The following STOX2 variants were observed in gnomAD, a reference collection of about 807,000 sequenced individuals.
STOX2 encodes storkhead box 2.
Under a neutral mutation model 60.9 loss-of-function variants are expected in STOX2, and 28 were observed. The observed-to-expected ratio is 0.46, with a 90% CI of 0.34 to 0.63. The LOEUF is 0.63. STOX2 is among the 30% of genes least tolerant of loss of function. The pLI is 0.01. For missense variants in STOX2, 1,024 were observed against 1,187.7 expected (o/e 0.86, Z 2.03); for synonymous variants, 472 against 463.9 (o/e 1.02, Z -0.22).
chr4:183,858,137 A>T (rs1221691931), intron 1 of STOX2, among the ~76,000 whole-genome samples: 1 of 152,120 alleles, frequency 6.6e-6, no homozygotes, highest in Non-Finnish European at 1.5e-5. Context: ...AGGGGGCACC[A>T]TGCCTGACCT....
At chr4:183,859,564 C>G (rs12499183) in intron 1 of STOX2, among the ~76,000 whole-genome samples, 53,330 of 151,994 alleles carry the variant, frequency 0.35, 9,996 homozygotes, top group East Asian at 0.57. Context: ...ATGACAGAGG[C>G]GGCGGGGCCA....
At chr4:183,967,633 T>A (rs1371315450) in intron 1 of STOX2, among the ~76,000 whole-genome samples, 20 of 152,172 alleles carry the variant, frequency 1.3e-4, no homozygotes, top group Admixed American at 1.3e-3. Context: ...TGTTGTGTGC[T>A]CTACGCTCTA....
At chr4:184,013,295 A>C (rs1333452745) in intron 3 of STOX2, among the ~76,000 whole-genome samples, 2 of 152,264 alleles carry the variant, frequency 1.3e-5, no homozygotes, top group Non-Finnish European at 2.9e-5. Flanking sequence ...GTATCTCTAC[A>C]GAATATATTT....
At chr4:183,975,450 G>A (rs1409385839) in intron 1 of STOX2, among the ~76,000 whole-genome samples, 3 of 152,160 alleles carry the variant, frequency 2.0e-5, no homozygotes, top group African/African-American at 7.2e-5. Flanking sequence ...AGATTGACAA[G>A]GAAATATGAC....
chr4:183,925,883 G>T (rs1560885997), intron 1 of STOX2, among the ~76,000 whole-genome samples: 1 of 148,740 alleles, frequency 6.7e-6, no homozygotes, highest in Non-Finnish European at 1.5e-5. Context: ...TGAAAACAGG[G>T]TTTTTTTTTT....
At chr4:183,837,046 G>GATA (rs1007714126) in intron 1 of STOX2, among the ~76,000 whole-genome samples, 4 of 152,118 alleles carry the variant, frequency 2.6e-5, no homozygotes, top group Non-Finnish European at 5.9e-5. Context: ...CAAGAGTGGG[G>GATA]ATAAACACAT....
intron 1 of STOX2, among the ~76,000 whole-genome samples, chr4:183,931,687 G>A (rs1742429040): frequency 6.6e-6 from 1 of 152,168 alleles, no homozygotes; most frequent in East Asian, 1.9e-4. Flanking sequence ...GAGTCAGGAA[G>A]TGCCTTGTAG....
rs59235204 is a variant in STOX2 at position 183,825,402 on chromosome 4, G to GAA, written c.364+27347_364+27348insAA. Among the ~76,000 whole-genome samples, 9,750 of 152,232 alleles carry GAA rather than the reference G, an allele frequency of 0.064. 1,002 individuals are homozygous for GAA. Among genetic ancestry groups the GAA allele is most frequent in the African/African-American group, 0.22 (9,128 of 41,500 alleles). On this transcript the variant is annotated intron_variant, in intron 1 of 2. Transcript: ENST00000513034. This position sits in a 1 kb window ranked among gnomAD's most constrained non-coding sequence, Gnocchi z 4.1. ...CACACAGCTGGGCCATCCCTCGTGT[G>GAA]GCGCGTGCTGCAGATGGCAGCGGTC... is the stretch of plus-strand genomic sequence containing the variant.
intron 1 of STOX2, among the ~76,000 whole-genome samples, chr4:183,909,196 T>C (rs143909980): frequency 3.9e-5 from 6 of 152,334 alleles, no homozygotes; most frequent in Non-Finnish European, 8.8e-5. Context: ...CCTTTACAAA[T>C]ATGGCTCCTT....
intron 1 of STOX2, among the ~76,000 whole-genome samples, chr4:183,862,236 C>T (rs1404650280): frequency 2.0e-5 from 3 of 152,130 alleles, no homozygotes; most frequent in African/African-American, 4.8e-5. Context: ...AGTGCAGTGG[C>T]ACGATCTCGG....
At chr4:183,934,397 A>C (rs1415436299) in intron 1 of STOX2, among the ~76,000 whole-genome samples, 1 of 152,210 alleles carries the variant, frequency 6.6e-6, no homozygotes, top group Non-Finnish European at 1.5e-5. Flanking sequence ...CCTTGGCCCA[A>C]CCCCTTTGTC....
chr4:183,993,433 C>T (rs1733197375), intron 1 of STOX2, among the ~76,000 whole-genome samples: 2 of 152,138 alleles, frequency 1.3e-5, no homozygotes, highest in African/African-American at 4.8e-5. Flanking sequence ...TAACTTTATT[C>T]CCATTAGAAG....
chr4:183,854,539 G>A (rs1740240592), intron 1 of STOX2, among the ~76,000 whole-genome samples: 1 of 152,152 alleles, frequency 6.6e-6, no homozygotes, highest in Admixed American at 6.5e-5. Flanking sequence ...GGGATGGTGA[G>A]TTTATTATTT....
intron 1 of STOX2, among the ~76,000 whole-genome samples, chr4:183,923,412 A>G (rs1742155964): frequency 6.6e-6 from 1 of 152,232 alleles, no homozygotes; most frequent in Admixed American, 6.5e-5. Context: ...AGAAGTTAGA[A>G]GAAAACTGGA....
In STOX2 at chr4:183,922,313, A is replaced by T. The variant is rs569244691; in HGVS notation, c.166+15357A>T. Among the ~76,000 whole-genome samples the T allele has an allele frequency of 8.8e-5, 13 of 147,968 alleles. No individual in the cohort carries two copies. The South Asian group carries it at 2.2e-3, about 25-fold the overall frequency. On this transcript the variant is annotated intron_variant, in intron 1 of 3. Transcript: ENST00000308497. The stretch of plus-strand genomic sequence containing the variant: ...TAAACTTACTTTTTCAAATTGTGGT[A>T]AAAAAAAAACACATAATGCAAAAGT...
At chr4:183,971,049 A>G (rs527864121) in intron 1 of STOX2, among the ~76,000 whole-genome samples, 18 of 152,318 alleles carry the variant, frequency 1.2e-4, no homozygotes, top group African/African-American at 4.1e-4. Context: ...TTATTTGTAC[A>G]TGGTAGTGTA....
Position 183,818,076 on chromosome 4 carries a change from TTTTTC to T in STOX2, c.364+20031_364+20035del, listed in dbSNP as rs202068579. 6.2e-4 allele frequency among the ~76,000 whole-genome samples: 94 copies of T among 151,504 alleles called. No homozygotes were observed. In the East Asian group the frequency reaches 0.012, roughly 20 times the overall value. Reference sequence around the variant, plus strand: ...CAAGGCGACTATAAATATTTTTCTTTTTTTCTTTTCTTTTTTTTTTAGTATAATTT... The same window carrying T: ...CAAGGCGACTATAAATATTTTTCTTTTTTTCTTTTTTTTTTAGTATAATTT... On this transcript the variant is annotated intron_variant, in intron 1 of 2. Transcript: ENST00000513034.
chr4:183,990,578 A>ATTTTTTTTTTTTTTTTTTTTT (rs57369052), intron 1 of STOX2, among the ~76,000 whole-genome samples: 1 of 82,450 alleles, frequency 1.2e-5, no homozygotes, highest in Non-Finnish European at 2.1e-5. Context: ...AAAAAGCAGG[A>ATTTTTTTTTTTTTTTTTTTTT]TTTTTTTTTT....
In STOX2 at chr4:183,818,632, C is replaced by T. The variant is rs538999980; in HGVS notation, c.364+20577C>T. ...TGAGTACACCTCCCAGACGGGGTGG[C>T]GGCCGGGCAGAGGGGCCCCTCACTT... On this transcript the variant is annotated intron_variant, in intron 1 of 2. Transcript: ENST00000513034. Among the ~76,000 whole-genome samples, 609 of 152,280 alleles carry T rather than the reference C, an allele frequency of 4.0e-3. 3 individuals carry two copies. Among genetic ancestry groups the T allele is most frequent in the African/African-American group, 0.013 (537 of 41,574 alleles).
Sources: gnomAD v4.1 joint callset for allele counts (sites outside exome capture counted in the v4.1 genomes callset) on GRCh38, gnomAD v4.1.1 for gene constraint, Gnocchi (gnomAD v3.1) non-coding constraint, MANE v1.5 for transcripts, NCBI Gene and HGNC (gene_info 2026-07-23, HGNC 2026-07-21) for gene names.